Variants in MBOAT2 observed in about 807,000 individuals in gnomAD.
The protein encoded by MBOAT2 is membrane-bound glycerophospholipid O-acyltransferase 2.
Under a neutral mutation model 63.4 loss-of-function variants are expected in MBOAT2, and 28 were observed. The observed-to-expected ratio is 0.44, with a 90% CI of 0.33 to 0.61. MBOAT2 has a LOEUF of 0.61. Among genes scored for constraint, MBOAT2 ranks in the 20% least tolerant of loss-of-function variants. The pLI is 0.03. For synonymous variants in MBOAT2, 211 were observed against 215.6 expected (o/e 0.98, Z 0.19); for missense variants, 470 against 605.8 (o/e 0.78, Z 2.35).
intron 3 of MBOAT2, among the ~76,000 whole-genome samples, chr2:8,910,202 G>A (rs1245150181): frequency 6.6e-6 from 1 of 152,090 alleles, no homozygotes; most frequent in East Asian, 1.9e-4. Context: ...GAGAAAAGGT[G>A]GGATAAAGGA....
chr2:8,858,695 G>C lies in MBOAT2; in HGVS notation c.1547C>G (p.Ser516Ter). 4 of 1,611,168 alleles carry C rather than the reference G, an allele frequency of 2.5e-6. No individual in the cohort carries two copies. The highest frequency in any genetic ancestry group is 3.4e-6 in the Non-Finnish European group (4 of 1,178,650). ...CCTTCCCGATCACTGCTTTAGTGAT[G>C]AATGTCTCGAGGCTATTTCTTGATT... is the stretch of plus-strand genomic sequence containing the variant. ...NQNQEIASRHSSLKQ is the reference protein window; with the variant it reads ...NQNQEIASRH Residue 516 changes from serine to a stop codon, truncating the protein, a stop_gained, in exon 13 of 13, where the codon TCA (serine) becomes TGA (stop). Transcript: ENST00000305997. LOFTEE classifies it high-confidence loss of function.
Position 8,862,749 on chromosome 2 carries a change from C to T in MBOAT2, c.1053-27G>A. The T allele has an allele frequency of 6.3e-7, 1 of 1,596,888 alleles. No homozygotes were observed. Among genetic ancestry groups the T allele is most frequent in the Non-Finnish European group, 8.5e-7 (1 of 1,173,816 alleles). ...TAGAAACCATGAAAAACATGGAGAGCCAAGTGGAGTGAGTGACCCGAGTTT... is the reference window on the plus strand; with the variant it reads ...TAGAAACCATGAAAAACATGGAGAGTCAAGTGGAGTGAGTGACCCGAGTTT... On this transcript the variant is annotated intron_variant, in intron 10 of 12. Coordinates refer to ENST00000305997, the MANE Select transcript of MBOAT2 (RefSeq NM_138799.4). The surrounding 1 kb of genome is among the most constrained non-coding windows in gnomAD (Gnocchi z 4.3).
At chr2:8,960,809 AT>A (rs1381035042) in intron 1 of MBOAT2, among the ~76,000 whole-genome samples, 1 of 152,254 alleles carries the variant, frequency 6.6e-6, no homozygotes, top group Non-Finnish European at 1.5e-5. Context: ...AAAAATATGT[AT>A]AAAAAATAAA....
intron 1 of MBOAT2, among the ~76,000 whole-genome samples, chr2:8,969,552 C>T (rs1438334225): frequency 6.6e-6 from 1 of 152,156 alleles, no homozygotes; most frequent in East Asian, 1.9e-4. Flanking sequence ...GGGCTAAATG[C>T]TCCATTTAAA....
At chr2:8,916,934 T>C (rs1338281937) in intron 3 of MBOAT2, among the ~76,000 whole-genome samples, 5 of 152,148 alleles carry the variant, frequency 3.3e-5, no homozygotes, top group Admixed American at 3.3e-4. Flanking sequence ...ACCAAGACAG[T>C]ATGACACTGG....
At chr2:8,990,741 TC>T (rs1671868716) in intron 1 of MBOAT2, among the ~76,000 whole-genome samples, 1 of 152,230 alleles carries the variant, frequency 6.6e-6, no homozygotes, top group African/African-American at 2.4e-5. Context: ...AGAATTTCCA[TC>T]CAGGTCTAAT....
intron 1 of MBOAT2, among the ~76,000 whole-genome samples, chr2:8,959,620 C>T (rs1409349122): frequency 6.6e-6 from 1 of 152,076 alleles, no homozygotes. Context: ...CACCACCATG[C>T]CGAGCTAATC....
intron 1 of MBOAT2, among the ~76,000 whole-genome samples, chr2:8,973,802 G>T (rs1304680219): frequency 6.6e-6 from 1 of 152,142 alleles, no homozygotes; most frequent in Non-Finnish European, 1.5e-5. Flanking sequence ...ATAGACTTCA[G>T]CAGTATTCTG....
rs1380246769 is a variant in MBOAT2, at chr2:8,862,228, CA to C, written c.1185+361del. ...CCTAGTCTTCATCTGAGAGAGGACT[CA>C]AAGGTTACAGCTTTCAGGAAACATT... On this transcript the variant is annotated intron_variant, in intron 11 of 12. Transcript: ENST00000305997. This position sits in a 1 kb window ranked among gnomAD's most constrained non-coding sequence, Gnocchi z 4.3. The C allele has an allele frequency of 5.3e-5, 63 of 1,182,186 alleles. No homozygotes were observed. Among genetic ancestry groups the C allele is most frequent in the Non-Finnish European group, 6.6e-5 (60 of 909,680 alleles). 73.2% of individuals were successfully genotyped at this position (1,182,186 alleles called of 1,614,324 possible). A position where few individuals can be genotyped will look rare whatever the true frequency, so the allele number is the denominator to read the frequency against.
At chr2:8,903,624 C>G (rs917787598) in intron 4 of MBOAT2, among the ~76,000 whole-genome samples, 10 of 152,192 alleles carry the variant, frequency 6.6e-5, no homozygotes, top group Non-Finnish European at 1.5e-5. Context: ...TCACCTTTCT[C>G]TTCTCTTTCC....
At chr2:8,996,010 C>CT (rs1672275009) in intron 1 of MBOAT2, among the ~76,000 whole-genome samples, 1 of 152,216 alleles carries the variant, frequency 6.6e-6, no homozygotes, top group African/African-American at 2.4e-5. Context: ...AAAATGCAGA[C>CT]TCCCTGGCCC....
chr2:8,861,585 T>G (rs1558544483), intron 11 of MBOAT2, among the ~76,000 whole-genome samples: 2 of 152,252 alleles, frequency 1.3e-5, no homozygotes, highest in East Asian at 3.9e-4. Flanking sequence ...GAATTATGGG[T>G]TTTGCTAATG....
At chr2:8,949,979 C>T (rs1668711138) in intron 2 of MBOAT2, among the ~76,000 whole-genome samples, 1 of 152,152 alleles carries the variant, frequency 6.6e-6, no homozygotes, top group Non-Finnish European at 1.5e-5. Flanking sequence ...TTTGTTGTGT[C>T]ATCTATGATT....
At chr2:8,872,244 T>C (rs1662378197) in intron 8 of MBOAT2, among the ~76,000 whole-genome samples, 1 of 152,190 alleles carries the variant, frequency 6.6e-6, no homozygotes, top group Non-Finnish European at 1.5e-5. Flanking sequence ...GAAATCACAT[T>C]CCATCTTTTT....
At chr2:8,989,136 T>G (rs897370882) in intron 1 of MBOAT2, among the ~76,000 whole-genome samples, 1 of 152,210 alleles carries the variant, frequency 6.6e-6, no homozygotes, top group Non-Finnish European at 1.5e-5. Flanking sequence ...TCAATGTTGA[T>G]TTTAACACTA....
At chr2:8,940,046 T>C (rs373354293) in intron 3 of MBOAT2, among the ~76,000 whole-genome samples, 1 of 151,714 alleles carries the variant, frequency 6.6e-6, no homozygotes, top group Non-Finnish European at 1.5e-5. Flanking sequence ...CAGCTACACG[T>C]CCTCAGTTAC....
intron 1 of MBOAT2, among the ~76,000 whole-genome samples, chr2:8,997,018 G>A (rs563796680): frequency 4.8e-4 from 73 of 152,244 alleles, no homozygotes; most frequent in Non-Finnish European, 9.4e-4. Context: ...GAAGAGGCAC[G>A]TCACCAGTGC....
At chr2:8,900,336 T>C (rs1486419944) in intron 4 of MBOAT2, among the ~76,000 whole-genome samples, 1 of 152,216 alleles carries the variant, frequency 6.6e-6, no homozygotes, top group Non-Finnish European at 1.5e-5. Context: ...AAAGTCGCAT[T>C]CTTTTCATTA....
In MBOAT2 at chr2:8,995,113, G is replaced by C. The variant is rs189033616; in HGVS notation, c.75+8427C>G. 3.6e-4 allele frequency among the ~76,000 whole-genome samples: 55 copies of C among 152,286 alleles called. No homozygotes were observed. The Middle Eastern group carries it at 0.014, about 38-fold the overall frequency. The stretch of plus-strand genomic sequence containing the variant: ...ACCCCATCAGACAGAGACTTTCAAA[G>C]GTAAGCTCACAGTAAGAACAGAACT... On this transcript the variant is annotated intron_variant, in intron 1 of 12. Coordinates refer to ENST00000305997, the MANE Select transcript of MBOAT2 (RefSeq NM_138799.4).
Sources: allele counts gnomAD v4.1 joint callset (sites outside exome capture counted in the v4.1 genomes callset), GRCh38; gene constraint gnomAD v4.1.1; non-coding constraint Gnocchi (gnomAD v3.1); transcripts MANE v1.5; gene names NCBI Gene and HGNC (gene_info 2026-07-23, HGNC 2026-07-21).